Variants in MAP2 observed in about 807,000 individuals in gnomAD.
The protein encoded by MAP2 is microtubule-associated protein 2.
A neutral mutation model predicts 137.6 loss-of-function variants in MAP2; 14 were observed. The observed-to-expected ratio is 0.10, with a 90% confidence interval of 0.07 to 0.16. The LOEUF (loss-of-function observed/expected upper bound fraction) is 0.16. Among genes scored for constraint, MAP2 ranks in the 10% least tolerant of loss-of-function variants. The pLI, the probability that MAP2 is intolerant of heterozygous loss-of-function variation, is 1.00. For missense variants in MAP2, 2,088 were observed against 2,191.5 expected, an observed-to-expected ratio of 0.95 and a Z score of 0.94; for synonymous variants, 786 against 782.3, an observed-to-expected ratio of 1.00 and a Z score of -0.08.
chr2:209,645,969 T>A (rs1210283570), intron 4 of MAP2, among the ~76,000 whole-genome samples: 2 of 152,130 alleles, frequency 1.3e-5, no homozygotes. Context: ...ATGGAATGCT[T>A]GAGCTTAGGA....
At chr2:209,466,907 A>G (rs1391580511) in intron 1 of MAP2, among the ~76,000 whole-genome samples, 1 of 151,912 alleles carries the variant, frequency 6.6e-6, no homozygotes, top group South Asian at 2.1e-4. Context: ...TTTCCCACTA[A>G]CCCCTCTCCT....
chr2:209,678,583 G>T lies in MAP2; in HGVS notation c.274G>T (p.Ala92Ser). Residue 92 changes from alanine to serine, a missense_variant, in exon 6 of 16, where the codon GCA (alanine) becomes TCA (serine). Around this residue, in one of 6 missense-constraint regions of MAP2, gnomAD observed 859 missense variants for 794.5 expected, o/e 1.08. Transcript: ENST00000682079. ...ACTGTTTATTACAGAGGAGGTGTCT[G>T]CAAGGATAGTTCAAGTAGTCACTGC... ...ADRETAEEVS[A>S]RIVQVVTAEA... 1 of 1,576,540 alleles carries T rather than the reference G, an allele frequency of 6.3e-7. No homozygotes were observed.
rs188435338 is a variant in MAP2, at chr2:209,465,157, T to C, written c.-222+40881T>C. On this transcript the variant is annotated intron_variant, in intron 1 of 15. Coordinates refer to ENST00000682079, the MANE Select transcript of MAP2 (RefSeq NM_001375505.1). ...AGATTTAATCCAGTCCCTTTTCTTT[T>C]ATAATTAGATTTTTATGGTTAGGAC... Among the ~76,000 whole-genome samples, 9 of 152,242 alleles carry C rather than the reference T, an allele frequency of 5.9e-5. No individual in the cohort carries two copies. The East Asian group carries it at 1.7e-3, about 29-fold the overall frequency.
chr2:209,616,326 G>T (rs752233543), intron 3 of MAP2, among the ~76,000 whole-genome samples: 153 of 152,158 alleles, frequency 1.0e-3, no homozygotes, highest in Non-Finnish European at 1.7e-3. Flanking sequence ...AAAGTTAGAA[G>T]GCTTAACCAA....
chr2:209,532,240 G>GAAAAA (rs796126529), intron 2 of MAP2, among the ~76,000 whole-genome samples: 1 of 72,656 alleles, frequency 1.4e-5, no homozygotes. Context: ...CCAGTCTCAG[G>GAAAAA]AAAAAAAAAA....
At chr2:209,495,329 GCT>G (rs2059619815) in intron 1 of MAP2, among the ~76,000 whole-genome samples, 2 of 152,242 alleles carry the variant, frequency 1.3e-5, no homozygotes. Flanking sequence ...CAGTGCTCGA[GCT>G]CTGCTAAGGG....
chr2:209,666,941 A>C (rs1047334946), intron 5 of MAP2, among the ~76,000 whole-genome samples: 3 of 152,004 alleles, frequency 2.0e-5, no homozygotes, highest in Non-Finnish European at 2.9e-5. Context: ...GCAAGTTTCA[A>C]CTTTTGCCTG....
In MAP2 at chr2:209,564,456, T is replaced by TA. The variant is rs937876921; in HGVS notation, c.-171-15578dup. ...GTAGCGCCAGCATCACCTGGGATGC[T>TA]AATGAATGCATGTTGGACTGATGGC... On this transcript the variant is annotated intron_variant, in intron 2 of 15. Transcript: ENST00000682079. Among the ~76,000 whole-genome samples the TA allele has an allele frequency of 3.6e-4, 54 of 150,180 alleles. 1 individual carries two copies. The highest frequency in any genetic ancestry group is 1.2e-3 in the African/African-American group (49 of 40,678).
At chr2:209,556,103 C>T (rs531700587) in intron 2 of MAP2, among the ~76,000 whole-genome samples, 1 of 147,228 alleles carries the variant, frequency 6.8e-6, no homozygotes, top group Non-Finnish European at 1.5e-5. Context: ...GTGCAGTGCA[C>T]CATCATAGTT....
At chr2:209,494,280 G>A (rs1379017644) in intron 1 of MAP2, among the ~76,000 whole-genome samples, 1 of 152,012 alleles carries the variant, frequency 6.6e-6, no homozygotes, top group Non-Finnish European at 1.5e-5. Flanking sequence ...GGGGCCTGTT[G>A]GGGAGGTTGG....
At chr2:209,704,581 C>T in intron 11 of MAP2, 1 of 1,609,236 alleles carries the variant, frequency 6.2e-7, no homozygotes, top group Non-Finnish European at 8.5e-7. Flanking sequence ...CCTCAGCAGG[C>T]TCCACAGACC....
At chr2:209,572,322 C>G (rs916273095) in intron 2 of MAP2, among the ~76,000 whole-genome samples, 2 of 152,052 alleles carry the variant, frequency 1.3e-5, no homozygotes, top group African/African-American at 4.8e-5. Flanking sequence ...CAACGCGTAT[C>G]TCAATATGCT....
intron 1 of MAP2, among the ~76,000 whole-genome samples, chr2:209,425,381 A>G (rs1425617620): frequency 2.0e-5 from 3 of 152,178 alleles, no homozygotes; most frequent in African/African-American, 4.8e-5. Context: ...ATAATACACT[A>G]TATACATGTT....
chr2:209,490,099 C>A (rs1018316044), intron 1 of MAP2, among the ~76,000 whole-genome samples: 1 of 152,076 alleles, frequency 6.6e-6, no homozygotes, highest in Non-Finnish European at 1.5e-5. Flanking sequence ...ACCTTGCAAG[C>A]CAGAAGAGAG....
intron 1 of MAP2, among the ~76,000 whole-genome samples, chr2:209,453,634 T>C (rs1372087738): frequency 2.6e-5 from 4 of 152,190 alleles, no homozygotes; most frequent in African/African-American, 4.8e-5. Context: ...TCCTTCCAAA[T>C]AAAAAGATTA....
At chr2:209,521,857 T>G (rs868098036) in intron 2 of MAP2, among the ~76,000 whole-genome samples, 1 of 152,204 alleles carries the variant, frequency 6.6e-6, no homozygotes, top group Non-Finnish European at 1.5e-5. Flanking sequence ...ATGGTATTAT[T>G]TTTTCAATAA....
intron 13 of MAP2, among the ~76,000 whole-genome samples, chr2:209,716,035 A>G (rs2067451975): frequency 1.3e-5 from 2 of 152,070 alleles, no homozygotes. Context: ...TTAGCGCAGG[A>G]TACATGATCT....
intron 13 of MAP2, among the ~76,000 whole-genome samples, chr2:209,723,045 G>A (rs1367918968): frequency 3.9e-5 from 6 of 152,162 alleles, no homozygotes; most frequent in African/African-American, 1.2e-4. Context: ...CTGGGAAACC[G>A]GGGGTTCTTA....
rs1336836562 is a variant in MAP2, at chr2:209,693,908, G to C, written c.1738G>C (p.Glu580Gln). Residue 580 changes from glutamate (E) to glutamine (Q), a missense_variant, in exon 8 of 16, where the codon GAA becomes CAA. Glu to Gln is a conservative substitution (Grantham distance 29, BLOSUM62 2). This residue lies in a region of MAP2 where 859 missense variants were observed against 794.5 expected (regional missense o/e 1.08). Transcript: ENST00000682079. Reference sequence around the variant, plus strand: ...GTACTTTGAAACATCTGCCTTGAAAGAAGAAGCAACAAAAAGCATTGAGCC... The same window carrying C: ...GTACTTTGAAACATCTGCCTTGAAACAAGAAGCAACAAAAAGCATTGAGCC... ...SKYFETSALK[E>Q]EATKSIEPGS... 5 of 1,610,854 alleles carry C rather than the reference G, an allele frequency of 3.1e-6. No individual in the cohort carries two copies. Among genetic ancestry groups the C allele is most frequent in the Non-Finnish European group, 4.2e-6 (5 of 1,179,006 alleles).
Sources: allele counts gnomAD v4.1 joint callset (sites outside exome capture counted in the v4.1 genomes callset), GRCh38; gene constraint gnomAD v4.1.1; regional missense constraint gnomAD v4.1.1; transcripts MANE v1.5; gene names NCBI Gene and HGNC (gene_info 2026-07-23, HGNC 2026-07-21).